The following PRKDC variants were observed in gnomAD, a reference collection of about 807,000 sequenced individuals.
PRKDC encodes the protein DNA-dependent protein kinase catalytic subunit.
A neutral mutation model predicts 486.9 loss-of-function variants in PRKDC; 82 were observed. The observed-to-expected ratio is 0.17, with a 90% CI of 0.14 to 0.20. PRKDC has a LOEUF of 0.20. Among genes scored for constraint, PRKDC ranks in the 10% least tolerant of loss-of-function variants. The pLI, the probability that PRKDC is intolerant of heterozygous loss-of-function variation, is 1.00. For missense variants in PRKDC, 4,504 were observed against 5,038.2 expected (o/e 0.89, Z 3.21); for synonymous variants, 1,895 against 1,837.0 (o/e 1.03, Z -0.81).
chr8:47,873,935 C>A (rs2089024148), intron 40 of PRKDC, among the ~76,000 whole-genome samples: 1 of 149,646 alleles, frequency 6.7e-6, no homozygotes. Context: ...TAAATAAGAT[C>A]TAGTATTTGA....
At chr8:47,794,557 T>C in intron 73 of PRKDC, 56 bp from the exon 74 acceptor site, 2 of 1,376,322 alleles carry the variant, frequency 1.5e-6, no homozygotes, top group East Asian at 2.3e-5. Context: ...TCATCTGTTA[T>C]AAAAGTAACA....
chr8:47,933,067 C>G lies in PRKDC; in HGVS notation c.1729G>C (p.Glu577Gln), dbSNP rs745981125. Residue 577 changes from glutamate to glutamine, a missense_variant, in exon 16 of 86, where the codon GAG becomes CAG. By Grantham distance (29) the Glu-to-Gln change is conservative. Coordinates refer to ENST00000314191, the MANE Select transcript of PRKDC (RefSeq NM_006904.7). Reference sequence around the variant, plus strand: ...ATTTCAAGTGTAAGATCCAATTTCTCAACAATCTTCAAAACGGATTTTACA... The same window carrying G: ...ATTTCAAGTGTAAGATCCAATTTCTGAACAATCTTCAAAACGGATTTTACA... ...EFVKSVLKIVEKLDLTLEIQT... is the reference protein window; with the variant it reads ...EFVKSVLKIVQKLDLTLEIQT... 2.5e-6 allele frequency: 4 copies of G among 1,595,632 alleles called. No individual in the cohort carries two copies. In the African/African-American group the frequency reaches 5.4e-5, roughly 21 times the overall value.
At chr8:47,800,427 G>A (rs1054040880) in intron 71 of PRKDC, among the ~76,000 whole-genome samples, 3 of 148,460 alleles carry the variant, frequency 2.0e-5, no homozygotes, top group Non-Finnish European at 4.4e-5. Flanking sequence ...ATGGACACAG[G>A]AAGGGGAACA....
intron 68 of PRKDC, among the ~76,000 whole-genome samples, chr8:47,813,070 A>C (rs534966482): frequency 4.4e-4 from 67 of 151,798 alleles, no homozygotes; most frequent in African/African-American, 1.6e-3. Flanking sequence ...AATTTAACAA[A>C]AATGACACAA....
At position 47,776,998 on chromosome 8, in the gene PRKDC, C is replaced by G; in HGVS notation, c.12043-15G>C. 1 of 1,606,120 alleles carries G rather than the reference C, an allele frequency of 6.2e-7. No individual in the cohort carries two copies. Among genetic ancestry groups the G allele is most frequent in the African/African-American group, 1.3e-5 (1 of 74,190 alleles). Reference sequence around the variant, plus strand: ...TGTTCAAAATTCTAGAAGAAAAGAACATGATTTTCCCGGCTGATCATAATG... The same window carrying G: ...TGTTCAAAATTCTAGAAGAAAAGAAGATGATTTTCCCGGCTGATCATAATG... On this transcript the variant is annotated splice_polypyrimidine_tract_variant and intron_variant, in intron 84 of 85. Transcript: ENST00000314191.
In PRKDC at chr8:47,890,454, T is replaced by C; in HGVS notation, c.3874A>G (p.Lys1292Glu). The C allele has an allele frequency of 6.4e-7, 1 of 1,569,102 alleles. No individual in the cohort carries two copies. Among genetic ancestry groups the C allele is most frequent in the Non-Finnish European group, 8.7e-7 (1 of 1,155,812 alleles). ...CTTTCTAAGAAGAAAGCCACTGCTT[T>C]CAAAAGTGAAGACTGGGCTTCAGTA... ...LGTEAQSSLL[K>E]AVAFFLESIA... The change falls in exon 32 of 86, where the codon AAA becomes GAA. Residue 1292 changes from lysine (K) to glutamate (E), a missense_variant. Physicochemically the swap from Lys to Glu is moderately conservative, Grantham distance 56. Around this residue, in one of 6 missense-constraint regions of PRKDC, gnomAD observed 1,969 missense variants for 2,068.9 expected, o/e 0.95. Coordinates refer to ENST00000314191, the MANE Select transcript of PRKDC (RefSeq NM_006904.7).
Position 47,882,150 on chromosome 8 carries a change from G to C in PRKDC, c.4777-53C>G, listed in dbSNP as rs570746577. 1.3e-5 allele frequency: 19 copies of C among 1,517,868 alleles called. No homozygotes were observed. In the South Asian group the frequency reaches 2.2e-4, roughly 17 times the overall value. The allele number at this position is 1,517,868 out of a possible 1,614,324, so 94.0% of individuals were successfully genotyped here. On this transcript the variant is annotated intron_variant, in intron 36 of 85. Coordinates refer to ENST00000314191, the MANE Select transcript of PRKDC (RefSeq NM_006904.7). ...AAAATTCTTAATTTTGAGAATGACA[G>C]AAAACAAAATTTACCTTTATTTCAA...
At chr8:47,896,593 G>A (rs1041724007) in intron 30 of PRKDC, among the ~76,000 whole-genome samples, 6 of 151,094 alleles carry the variant, frequency 4.0e-5, no homozygotes, top group Admixed American at 6.6e-5. Context: ...CTTGCAGTGA[G>A]CTGAGATAGC....
rs1262345485 is a variant in PRKDC at position 47,877,839 on chromosome 8, A to G, written c.5248T>C (p.Leu1750=). 4.6e-6 allele frequency: 7 copies of G among 1,519,868 alleles called. No individual in the cohort carries two copies. The South Asian group carries it at 5.7e-5, about 12-fold the overall frequency. 94.1% of individuals were successfully genotyped at this position (1,519,868 alleles called of 1,614,324 possible). ...AACATAGGGCTTTGAGATAATTCCA[A>G]TGCATCTAGAAACTAGAAAAAATAC... is the stretch of plus-strand genomic sequence containing the variant. ...VDCMKKFLDA[L]ELSQSPMLLE... Residue 1750 remains leucine, a synonymous_variant, in exon 40 of 86, where the codon TTG becomes CTG. Coordinates refer to ENST00000314191, the MANE Select transcript of PRKDC (RefSeq NM_006904.7).
intron 70 of PRKDC, 42 bp from the exon 71 acceptor site, chr8:47,801,028 T>C (rs1350527932): frequency 1.3e-6 from 2 of 1,539,852 alleles, no homozygotes; most frequent in Non-Finnish European, 1.8e-6. Flanking sequence ...ATTTTGTATG[T>C]GTGTGTGGAA....
At chr8:47,847,132 GA>G (rs895731125) in intron 54 of PRKDC, among the ~76,000 whole-genome samples, 27 of 152,160 alleles carry the variant, frequency 1.8e-4, no homozygotes, top group African/African-American at 6.3e-4. Flanking sequence ...CACAGAATTG[GA>G]AAAAACTATT....
intron 76 of PRKDC, among the ~76,000 whole-genome samples, chr8:47,786,105 CAAAT>C (rs1017020966): frequency 1.3e-5 from 2 of 149,674 alleles, no homozygotes; most frequent in South Asian, 4.2e-4. Flanking sequence ...GACTCCACCT[CAAAT>C]AAATAAATAA....
intron 4 of PRKDC, among the ~76,000 whole-genome samples, chr8:47,955,150 T>A (rs1438591546): frequency 6.8e-6 from 1 of 146,606 alleles, no homozygotes; most frequent in Non-Finnish European, 1.5e-5. Context: ...CAAGACTCTG[T>A]CTCAAAAAAA....
intron 36 of PRKDC, 116 bp from the exon 37 acceptor site, chr8:47,882,213 A>G: frequency 1.0e-6 from 1 of 976,906 alleles, no homozygotes; most frequent in Non-Finnish European, 1.5e-6. Flanking sequence ...TTTCTATAAT[A>G]GATGTTTATC....
chr8:47,827,118 TCACACACA>T (rs61385951), intron 62 of PRKDC, among the ~76,000 whole-genome samples: 2,137 of 128,220 alleles, frequency 0.017, 38 homozygotes, highest in South Asian at 0.041. Context: ...AATATGAAGA[TCACACACA>T]CACACACACA....
At chr8:47,775,878 A>G (rs918882239) in intron 85 of PRKDC, among the ~76,000 whole-genome samples, 14 of 148,508 alleles carry the variant, frequency 9.4e-5, no homozygotes, top group African/African-American at 3.0e-4. Flanking sequence ...GCTGGAGTAC[A>G]GTGGTGCCAT....
At chr8:47,939,461 T>A in intron 11 of PRKDC, 90 bp downstream of exon 11, 2 of 1,412,504 alleles carry the variant, frequency 1.4e-6, no homozygotes, top group South Asian at 2.5e-5. Flanking sequence ...TTGTTACAAG[T>A]ATTAGACACT....
intron 57 of PRKDC, 89 bp from the exon 58 acceptor site, chr8:47,836,616 C>G: frequency 1.7e-6 from 2 of 1,150,120 alleles, no homozygotes; most frequent in Non-Finnish European, 2.5e-6. Context: ...TATTTAAAAT[C>G]TAATGGTACC....
chr8:47,915,322 GT>G lies in PRKDC; in HGVS notation c.2617+5del. On this transcript the variant is annotated splice_donor_5th_base_variant and intron_variant, in intron 23 of 85. Transcript: ENST00000314191. ...ACAGAGGTTATTTATTTTAAAAGAA[GT>G]TTACCTGTCAGAAGATTTTTGTTTA... 6.7e-7 allele frequency: 1 copy of G among 1,487,200 alleles called. No homozygotes were observed. 92.1% of individuals were successfully genotyped at this position (1,487,200 alleles called of 1,614,324 possible). A position where few individuals can be genotyped will look rare whatever the true frequency, so the allele number is the denominator to read the frequency against.
Sources: allele counts gnomAD v4.1 joint callset (sites outside exome capture counted in the v4.1 genomes callset), GRCh38; gene constraint gnomAD v4.1.1; regional missense constraint gnomAD v4.1.1; transcripts MANE v1.5; gene names NCBI Gene and HGNC (gene_info 2026-07-23, HGNC 2026-07-21).